The following MCU variants were observed in gnomAD, a reference collection of about 807,000 sequenced individuals.
MCU encodes calcium uniporter protein, mitochondrial.
A neutral mutation model predicts 45.2 loss-of-function variants in MCU; 12 were observed. The ratio of observed to expected loss-of-function variants is 0.27; its 90% CI spans 0.17 to 0.43. The LOEUF (loss-of-function observed/expected upper bound fraction) is 0.43. MCU is among the 20% of genes least tolerant of loss of function. The pLI, the probability that MCU is intolerant of heterozygous loss-of-function variation, is 1.00. For synonymous variants in MCU, 160 were observed against 165.1 expected, an observed-to-expected ratio of 0.97 and a Z score of 0.24; for missense variants, 324 against 436.7, an observed-to-expected ratio of 0.74 and a Z score of 2.30.
At chr10:72,767,775 G>C (rs1019100564) in intron 1 of MCU, among the ~76,000 whole-genome samples, 15 of 152,272 alleles carry the variant, frequency 9.9e-5, no homozygotes, top group Middle Eastern at 6.8e-3. Context: ...TGGTCAAAAG[G>C]TTTGGTCACT....
intron 2 of MCU, among the ~76,000 whole-genome samples, chr10:72,834,861 T>C (rs1196539751): frequency 3.9e-5 from 6 of 152,156 alleles, no homozygotes; most frequent in African/African-American, 1.2e-4. Flanking sequence ...GGTTTCACCA[T>C]GTTGGCCAGA....
At chr10:72,763,937 C>T (rs186317990) in intron 1 of MCU, among the ~76,000 whole-genome samples, 14 of 152,246 alleles carry the variant, frequency 9.2e-5, no homozygotes, top group Non-Finnish European at 1.6e-4. Context: ...CACACACACA[C>T]GCATGTGCTC....
chr10:72,706,542 CTTTT>C (rs1251706679), intron 1 of MCU, among the ~76,000 whole-genome samples: 1 of 143,362 alleles, frequency 7.0e-6, no homozygotes, highest in Non-Finnish European at 1.5e-5. Flanking sequence ...AGTATCTTCT[CTTTT>C]TTTTTTTTTT....
rs546540373 is a variant in MCU at position 72,840,420 on chromosome 10, G to A, written c.220+5992G>A. 2.4e-3 allele frequency among the ~76,000 whole-genome samples: 367 copies of A among 152,180 alleles called. 1 individual carries two copies. Among genetic ancestry groups the A allele is most frequent in the African/African-American group, 8.3e-3 (344 of 41,518 alleles). ...TTGAGTTGTAAGTGTTCTTTATATA[G>A]TCTAGAGTTTTTCTTGTGAGTTTTA... On this transcript the variant is annotated intron_variant, in intron 2 of 7. Transcript: ENST00000373053.
At chr10:72,814,377 G>GT (rs1463097364) in intron 1 of MCU, among the ~76,000 whole-genome samples, 1 of 152,056 alleles carries the variant, frequency 6.6e-6, no homozygotes, top group African/African-American at 2.4e-5. Flanking sequence ...TGACATTGGA[G>GT]TTTTTTGTTT....
At chr10:72,717,125 C>G (rs1396755197) in intron 1 of MCU, among the ~76,000 whole-genome samples, 1 of 107,562 alleles carries the variant, frequency 9.3e-6, no homozygotes, top group African/African-American at 4.2e-5. Flanking sequence ...CTCTCTCTCT[C>G]TCTTTTTTTT....
intron 1 of MCU, among the ~76,000 whole-genome samples, chr10:72,771,956 TCTC>T (rs1452208901): frequency 2.0e-5 from 3 of 152,116 alleles, no homozygotes; most frequent in Admixed American, 1.3e-4. Context: ...GTTTGTAAAA[TCTC>T]CTTCCAACTC....
intron 2 of MCU, among the ~76,000 whole-genome samples, chr10:72,841,558 A>G (rs2132844961): frequency 6.6e-6 from 1 of 152,264 alleles, no homozygotes. Context: ...TCAGCCTCCC[A>G]AAGTTCTGGG....
chr10:72,742,207 T>C (rs1180805859), intron 1 of MCU, among the ~76,000 whole-genome samples: 1 of 152,154 alleles, frequency 6.6e-6, no homozygotes, highest in Non-Finnish European at 1.5e-5. Flanking sequence ...TACAGGTGTG[T>C]AGCCTCGGAG....
intron 2 of MCU, among the ~76,000 whole-genome samples, chr10:72,843,859 T>G (rs1845081584): frequency 6.6e-6 from 1 of 152,250 alleles, no homozygotes; most frequent in African/African-American, 2.4e-5. Flanking sequence ...GTCATTTTTC[T>G]TCTCTTGACA....
At chr10:72,880,169 C>T (rs1845678733) in intron 6 of MCU, among the ~76,000 whole-genome samples, 1 of 152,210 alleles carries the variant, frequency 6.6e-6, no homozygotes, top group Non-Finnish European at 1.5e-5. Flanking sequence ...AGTACCGCTC[C>T]TATTCACCTT....
At chr10:72,862,238 C>T (rs1473943060) in intron 4 of MCU, among the ~76,000 whole-genome samples, 1 of 152,120 alleles carries the variant, frequency 6.6e-6, no homozygotes, top group Non-Finnish European at 1.5e-5. Context: ...GCCTCGGCCT[C>T]CCAAAGTGCT....
At chr10:72,842,483 A>G (rs1411562028) in intron 2 of MCU, among the ~76,000 whole-genome samples, 2 of 152,206 alleles carry the variant, frequency 1.3e-5, no homozygotes, top group Non-Finnish European at 2.9e-5. Flanking sequence ...CGGAATTTTC[A>G]GTACCACTTT....
In MCU at chr10:72,859,362, A is replaced by C; in HGVS notation, c.391+15A>C. 6.3e-7 allele frequency: 1 copy of C among 1,595,484 alleles called. No individual in the cohort carries two copies. Among genetic ancestry groups the C allele is most frequent in the Admixed American group, 1.7e-5 (1 of 57,836 alleles). ...CTATTCACCAGGTATAGTCACCATC[A>C]TTATTAATTACCATCTATCCCTCAT... On this transcript the variant is annotated intron_variant, in intron 3 of 7. Transcript: ENST00000373053.
chr10:72,881,274 TA>T (rs1589512249), intron 6 of MCU, among the ~76,000 whole-genome samples: 1 of 152,328 alleles, frequency 6.6e-6, no homozygotes, highest in East Asian at 1.9e-4. Flanking sequence ...ATTGTAGATC[TA>T]AATGTGATAG....
At chr10:72,717,767 T>A (rs1195064001) in intron 1 of MCU, among the ~76,000 whole-genome samples, 3 of 152,212 alleles carry the variant, frequency 2.0e-5, no homozygotes, top group Non-Finnish European at 4.4e-5. Context: ...TGTGTGGGTA[T>A]GTGTGTCTAA....
At chr10:72,835,794 T>C (rs959437380) in intron 2 of MCU, among the ~76,000 whole-genome samples, 1 of 152,180 alleles carries the variant, frequency 6.6e-6, no homozygotes, top group African/African-American at 2.4e-5. Flanking sequence ...TACCAATTAA[T>C]GTATAAGTTA....
rs1160353409 is a variant in MCU, at chr10:72,714,345, C to CTT, written c.150+22066_150+22067dup. 2.4e-3 allele frequency among the ~76,000 whole-genome samples: 131 copies of CTT among 54,732 alleles called. 23 individuals are homozygous for CTT. Among genetic ancestry groups the CTT allele is most frequent in the Non-Finnish European group, 4.3e-3 (107 of 25,170 alleles). The allele number at this position is 54,732 out of a possible 152,430, so 35.9% of individuals were successfully genotyped here. On this transcript the variant is annotated intron_variant, in intron 1 of 7. Transcript: ENST00000373053. ...TTACTTCAGTTCCCCCCGCCCTGGTCTTTTTTTTTTTTTTTTTTTTTTTAA... is the reference window on the plus strand; with the variant it reads ...TTACTTCAGTTCCCCCCGCCCTGGTCTTTTTTTTTTTTTTTTTTTTTTTTTAA...
intron 6 of MCU, among the ~76,000 whole-genome samples, chr10:72,874,763 C>T (rs1845594532): frequency 6.6e-6 from 1 of 152,150 alleles, no homozygotes; most frequent in African/African-American, 2.4e-5. Context: ...TGTTTTCAGC[C>T]AAACACTAAT....
Sources: allele counts gnomAD v4.1 joint callset (sites outside exome capture counted in the v4.1 genomes callset), GRCh38; gene constraint gnomAD v4.1.1; transcripts MANE v1.5; gene names NCBI Gene and HGNC (gene_info 2026-07-23, HGNC 2026-07-21).